The following CDH3 variants were observed in gnomAD, a reference collection of about 807,000 sequenced individuals.
CDH3 encodes cadherin 3, also known as cadherin-3.
In CDH3, 54 loss-of-function variants were observed where a neutral mutation model predicts 82.0. The observed-to-expected ratio is 0.66, with a 90% CI of 0.53 to 0.83. The LOEUF is 0.83. CDH3 is among the 40% of genes least tolerant of loss of function. CDH3 has a pLI of 0.00. For missense variants in CDH3, 1,054 were observed against 1,084.6 expected (o/e 0.97, Z 0.40); for synonymous variants, 446 against 437.9 (o/e 1.02, Z -0.23).
In CDH3 at chr16:68,664,166, A is replaced by G. The variant is rs149954243; in HGVS notation, c.161-12219A>G. Among the ~76,000 whole-genome samples the G allele has an allele frequency of 3.9e-3, 600 of 152,198 alleles. 2 individuals are homozygous for G. Among genetic ancestry groups the G allele is most frequent in the Middle Eastern group, 6.8e-3 (2 of 294 alleles). ...CGGATTCTGTTCTCAAGCTGAGTAC[A>G]TGATATGCTATTCCCTGGGGGAGAA... On this transcript the variant is annotated intron_variant, in intron 2 of 15. Coordinates refer to ENST00000264012, the MANE Select transcript of CDH3 (RefSeq NM_001793.6).
Position 68,699,299 on chromosome 16 carries a change from A to G in CDH3, c.*899A>G, listed in dbSNP as rs1377794663. The G allele has an allele frequency of 5.9e-5, 9 of 152,092 alleles. No homozygotes were observed. The highest frequency in any genetic ancestry group is 3.9e-4 in the Admixed American group (6 of 15,254). The allele number at this position is 152,092 out of a possible 1,614,324, so 9.4% of individuals were successfully genotyped here. ...CCTCCTTTGCAAAGTCAGTTGCTCC[A>G]TGAGAGAGAACCATTAACCTCTTAC... On this transcript the variant is annotated 3_prime_UTR_variant, in exon 16 of 16. Coordinates refer to ENST00000264012, the MANE Select transcript of CDH3 (RefSeq NM_001793.6).
In CDH3 at chr16:68,645,689, G is replaced by T; in HGVS notation, c.99G>T (p.Glu33Asp). The change falls in exon 2 of 16, where the codon GAG (glutamate) becomes GAT (aspartate). Residue 33 changes from glutamate to aspartate, a missense_variant. Coordinates refer to ENST00000264012, the MANE Select transcript of CDH3 (RefSeq NM_001793.6). ...ASEPCRAVFR[E>D]AEVTLEAGGA... Reference sequence around the variant, plus strand: ...AGCCGTGCCGGGCGGTCTTCAGGGAGGCTGAAGTGACCTTGGAGGCGGGAG... The same window carrying T: ...AGCCGTGCCGGGCGGTCTTCAGGGATGCTGAAGTGACCTTGGAGGCGGGAG... The T allele has an allele frequency of 6.5e-7, 1 of 1,546,308 alleles. No homozygotes were observed. The highest frequency in any genetic ancestry group is 8.7e-7 in the Non-Finnish European group (1 of 1,146,678).
downstream of CDH3, among the ~76,000 whole-genome samples, chr16:68,732,020 ATTTTC>A (rs1727569253): frequency 6.8e-6 from 1 of 147,488 alleles, no homozygotes; most frequent in African/African-American, 2.5e-5. Flanking sequence ...GTGTTACACT[ATTTTC>A]TTTACTTTGT....
At chr16:68,656,858 C>T (rs1386859523) in intron 2 of CDH3, among the ~76,000 whole-genome samples, 1 of 152,174 alleles carries the variant, frequency 6.6e-6, no homozygotes, top group Non-Finnish European at 1.5e-5. Flanking sequence ...TGCCCAGGAC[C>T]TCTGGCCTCC....
At chr16:68,673,444 T>C (rs896578580) in intron 2 of CDH3, among the ~76,000 whole-genome samples, 24 of 147,552 alleles carry the variant, frequency 1.6e-4, no homozygotes, top group Admixed American at 1.4e-3. Context: ...TCCCCTCCCC[T>C]CTCTCTCTCT....
At chr16:68,672,703 TG>T (rs1960920207) in intron 2 of CDH3, among the ~76,000 whole-genome samples, 1 of 152,232 alleles carries the variant, frequency 6.6e-6, no homozygotes, top group African/African-American at 2.4e-5. Context: ...GAGGCAGGGC[TG>T]GTTCCTAAGC....
chr16:68,651,094 T>C (rs777210350), intron 2 of CDH3: 142 of 417,984 alleles, frequency 3.4e-4, no homozygotes, highest in Non-Finnish European at 5.7e-4. Context: ...TGGGCAGTCG[T>C]TGGTGCCCGA....
intron 10 of CDH3, 135 bp downstream of exon 10, chr16:68,684,959 C>T (rs1961363309): frequency 3.2e-6 from 4 of 1,262,124 alleles, no homozygotes; most frequent in Non-Finnish European, 4.6e-6. Context: ...TCTCTTCTTC[C>T]TACCCTCTTT....
chr16:68,667,435 G>A (rs896554439), intron 2 of CDH3, among the ~76,000 whole-genome samples: 2 of 152,172 alleles, frequency 1.3e-5, no homozygotes, highest in Non-Finnish European at 2.9e-5. Flanking sequence ...GGAAATTGGT[G>A]GAGAGTGATC....
At chr16:68,646,015 C>T in intron 2 of CDH3, 2 of 512,780 alleles carry the variant, frequency 3.9e-6, no homozygotes, top group Non-Finnish European at 7.0e-6. Flanking sequence ...GATGGCTGAG[C>T]CCCTCACCCA....
At chr16:68,693,579 C>T (rs1052831305) in intron 13 of CDH3, among the ~76,000 whole-genome samples, 1 of 152,124 alleles carries the variant, frequency 6.6e-6, no homozygotes, top group African/African-American at 2.4e-5. Flanking sequence ...TGTCAGTAGG[C>T]AGCTAGACCT....
At chr16:68,701,608 C>T (rs1044609225), downstream of CDH3, among the ~76,000 whole-genome samples, 3 of 150,668 alleles carry the variant, frequency 2.0e-5, no homozygotes, top group Non-Finnish European at 2.9e-5. Context: ...TGCAGTGGCA[C>T]GATCTCAGCT....
chr16:68,675,258 C>T (rs1013510957), intron 2 of CDH3, among the ~76,000 whole-genome samples: 2 of 152,148 alleles, frequency 1.3e-5, no homozygotes, highest in African/African-American at 2.4e-5. Context: ...TTTGTGCCCT[C>T]GCCTGACATA....
chr16:68,662,845 G>A (rs1394463449), intron 2 of CDH3, among the ~76,000 whole-genome samples: 9 of 145,370 alleles, frequency 6.2e-5, no homozygotes, highest in Non-Finnish European at 9.0e-5. Flanking sequence ...CGTTCCCGGA[G>A]GCTGGTGGAT....
At chr16:68,708,222 G>A (rs1232017320) in intron 1 of CDH3, among the ~76,000 whole-genome samples, 7 of 152,000 alleles carry the variant, frequency 4.6e-5, no homozygotes, top group Admixed American at 6.6e-5. Flanking sequence ...TAGCTACTCC[G>A]GAGGCTGAAG....
At chr16:68,731,031 AAAAAAAAAAAAAAAAAATATATATAT>A, downstream of CDH3, among the ~76,000 whole-genome samples, 1 of 27,990 alleles carries the variant, frequency 3.6e-5, no homozygotes, top group Non-Finnish European at 9.9e-5. Context: ...AAAAAAAAAA[AAAAAAAAAAAAAAAAAATATATATAT>A]ATATATATAT....
intron 2 of CDH3, chr16:68,651,211 A>G: frequency 3.9e-6 from 2 of 519,472 alleles, no homozygotes; most frequent in Non-Finnish European, 7.8e-6. Flanking sequence ...CAGGTAGCCC[A>G]TCTGCAGGGA....
At chr16:68,726,577 T>C (rs1182359121) in intron 2 of CDH3, among the ~76,000 whole-genome samples, 1 of 148,972 alleles carries the variant, frequency 6.7e-6, no homozygotes, top group East Asian at 2.0e-4. Flanking sequence ...ATTTTTTTGG[T>C]TGTTTTTTTT....
At chr16:68,683,651 CAAAAAAAAA>C (rs1199101103) in intron 9 of CDH3, among the ~76,000 whole-genome samples, 4 of 69,860 alleles carry the variant, frequency 5.7e-5, no homozygotes, top group Admixed American at 2.5e-4. Flanking sequence ...GACTCTGTCT[CAAAAAAAAA>C]AAAAAAAAAA....
Sources: allele counts gnomAD v4.1 joint callset (sites outside exome capture counted in the v4.1 genomes callset), GRCh38; gene constraint gnomAD v4.1.1; transcripts MANE v1.5; gene names NCBI Gene and HGNC (gene_info 2026-07-23, HGNC 2026-07-21).